BHMT2: variants seen among roughly 807,000 people sequenced by gnomAD.
BHMT2 encodes the protein S-methylmethionine--homocysteine S-methyltransferase BHMT2.
A neutral mutation model predicts 39.0 loss-of-function variants in BHMT2; 28 were observed. That is an observed-to-expected ratio of 0.72 (90% CI 0.53 to 0.98). The LOEUF is 0.98. Among genes scored for constraint, BHMT2 ranks in the 50% least tolerant of loss-of-function variants. The probability of loss-of-function intolerance (pLI) is 0.00; values close to 1 mark genes in which losing one functional copy is unlikely to be tolerated. For synonymous variants in BHMT2, 145 were observed against 160.6 expected (o/e 0.90, Z 0.74); for missense variants, 410 against 455.6 (o/e 0.90, Z 0.91).
chr5:79,083,461 A>G, intron 6 of BHMT2, 87 bp downstream of exon 6: 7 of 1,495,808 alleles, frequency 4.7e-6, no homozygotes, highest in Non-Finnish European at 6.3e-6. Context: ...GTTTTACAAT[A>G]AGAGACTGCA....
At chr5:79,087,339 G>A (rs1248088425) in intron 7 of BHMT2, among the ~76,000 whole-genome samples, 1 of 151,850 alleles carries the variant, frequency 6.6e-6, no homozygotes, top group East Asian at 1.9e-4. Flanking sequence ...TTTTTAAAAA[G>A]TATTAAATAT....
chr5:79,078,524 T>G (rs1755721738), intron 2 of BHMT2, among the ~76,000 whole-genome samples: 1 of 152,246 alleles, frequency 6.6e-6, no homozygotes, highest in Non-Finnish European at 1.5e-5. Flanking sequence ...ATTCTTCCAC[T>G]GACCAGCTGT....
At chr5:79,077,302 C>T (rs1381725477) in intron 1 of BHMT2, among the ~76,000 whole-genome samples, 178 bp from the exon 2 acceptor site, 1 of 152,078 alleles carries the variant, frequency 6.6e-6, no homozygotes, top group Admixed American at 6.6e-5. Context: ...AAAATAGGAA[C>T]CTGGATCGGC....
At chr5:79,072,022 T>G (rs1192471501) in intron 1 of BHMT2, among the ~76,000 whole-genome samples, 1 of 152,028 alleles carries the variant, frequency 6.6e-6, no homozygotes, top group Non-Finnish European at 1.5e-5. Flanking sequence ...ATCCTAGCAC[T>G]TTGGGAGGCC....
intron 7 of BHMT2, among the ~76,000 whole-genome samples, chr5:79,085,391 G>T (rs563867186): frequency 1.3e-5 from 2 of 152,290 alleles, no homozygotes; most frequent in South Asian, 4.1e-4. Flanking sequence ...GTAATTAAAA[G>T]TGTTTAGGAC....
At chr5:79,071,933 A>G (rs369428094) in intron 1 of BHMT2, among the ~76,000 whole-genome samples, 2 of 152,108 alleles carry the variant, frequency 1.3e-5, no homozygotes, top group Admixed American at 6.6e-5. Context: ...CTGATCTCAA[A>G]TCTTGATAAC....
chr5:79,075,479 G>C (rs1287635621), intron 1 of BHMT2, among the ~76,000 whole-genome samples: 1 of 152,106 alleles, frequency 6.6e-6, no homozygotes, highest in African/African-American at 2.4e-5. Flanking sequence ...TCATAGAACA[G>C]ATAAGACTAG....
intron 2 of BHMT2, 59 bp downstream of exon 2, chr5:79,077,671 G>A (rs1755698316): frequency 6.5e-7 from 1 of 1,546,666 alleles, no homozygotes; most frequent in South Asian, 1.2e-5. Flanking sequence ...AAATCTGATT[G>A]AGAGAAGATC....
intron 4 of BHMT2, 135 bp from the exon 5 acceptor site, chr5:79,082,674 A>G (rs983676859): frequency 2.0e-6 from 2 of 1,004,476 alleles, no homozygotes; most frequent in Admixed American, 2.5e-5. Flanking sequence ...ATAGACACAC[A>G]TTCCTTAGCA....
chr5:79,082,673 C>G (rs1755809306), intron 4 of BHMT2, 136 bp from the exon 5 acceptor site: 2 of 973,370 alleles, frequency 2.1e-6, no homozygotes, highest in African/African-American at 3.3e-5. Context: ...GATAGACACA[C>G]ATTCCTTAGC....
At chr5:79,073,425 C>G (rs1755617377) in intron 1 of BHMT2, among the ~76,000 whole-genome samples, 2 of 152,148 alleles carry the variant, frequency 1.3e-5, no homozygotes, top group Non-Finnish European at 2.9e-5. Flanking sequence ...TTGGCCTTCC[C>G]CAAAGTAGCC....
At chr5:79,082,677 C>T in intron 4 of BHMT2, 132 bp from the exon 5 acceptor site, 1 of 1,036,690 alleles carries the variant, frequency 9.6e-7, no homozygotes, top group East Asian at 2.5e-5. Context: ...GACACACATT[C>T]CTTAGCAAGT....
At chr5:79,072,179 A>G (rs1386769179) in intron 1 of BHMT2, among the ~76,000 whole-genome samples, 16 of 152,102 alleles carry the variant, frequency 1.1e-4, no homozygotes, top group Non-Finnish European at 2.4e-4. Context: ...AGGCAGGAGA[A>G]TTGCTTGAAC....
At position 79,088,614 on chromosome 5, in the gene BHMT2, A is replaced by G. The variant is rs373665798; in HGVS notation, c.*40A>G. The G allele has an allele frequency of 6.4e-5, 101 of 1,582,790 alleles. 1 individual carries two copies. In the Middle Eastern group the frequency reaches 6.7e-4, roughly 10 times the overall value. On this transcript the variant is annotated 3_prime_UTR_variant, in exon 8 of 8. Coordinates refer to ENST00000255192, the MANE Select transcript of BHMT2 (RefSeq NM_017614.5). ...AAACCCTGAAATAATCGAACAGGAA[A>G]AAGTTGCCCTCAAGCCTGACCTGGA...
chr5:79,084,795 C>T (rs1755863559), intron 7 of BHMT2, among the ~76,000 whole-genome samples: 1 of 152,194 alleles, frequency 6.6e-6, no homozygotes, highest in Admixed American at 6.5e-5. Context: ...TTTATGAAAG[C>T]TGAGGGATTT....
intron 7 of BHMT2, among the ~76,000 whole-genome samples, chr5:79,086,391 C>T (rs897034763): frequency 2.6e-5 from 4 of 152,154 alleles, no homozygotes; most frequent in African/African-American, 9.7e-5. Context: ...CTGGCTGGTT[C>T]GTGGCCACCT....
chr5:79,075,450 G>A (rs992169427), intron 1 of BHMT2, among the ~76,000 whole-genome samples: 3 of 152,132 alleles, frequency 2.0e-5, no homozygotes, highest in Non-Finnish European at 4.4e-5. Flanking sequence ...TTCAGGAACT[G>A]AGGGGGTTTA....
chr5:79,082,829 A>T lies in BHMT2; in HGVS notation c.471A>T (p.Glu157Asp). 1 of 1,614,092 alleles carries T rather than the reference A, an allele frequency of 6.2e-7. No individual in the cohort carries two copies. Among genetic ancestry groups the T allele is most frequent in the East Asian group, 2.2e-5 (1 of 44,888 alleles). Reference protein sequence around the residue: ...LIAEYFEHVEEAVWAVEVLKE... With the variant: ...LIAEYFEHVEDAVWAVEVLKE... ...CTTAGTATTTTGAGCACGTTGAAGA[A>T]GCTGTGTGGGCTGTGGAAGTCTTAA... Residue 157 changes from glutamate (E) to aspartate (D), a missense_variant, in exon 5 of 8, where the codon GAA (glutamate) becomes GAT (aspartate). Glu to Asp is a conservative substitution (Grantham distance 45). Coordinates refer to ENST00000255192, the MANE Select transcript of BHMT2 (RefSeq NM_017614.5).
chr5:79,087,189 G>A (rs1031078751), intron 7 of BHMT2, among the ~76,000 whole-genome samples: 1 of 151,432 alleles, frequency 6.6e-6, no homozygotes, highest in Non-Finnish European at 1.5e-5. Flanking sequence ...GGATTTGAAA[G>A]TCTTCATTTT....
Sources: gnomAD v4.1 joint callset for allele counts (sites outside exome capture counted in the v4.1 genomes callset) on GRCh38, gnomAD v4.1.1 for gene constraint, MANE v1.5 for transcripts, NCBI Gene and HGNC (gene_info 2026-07-23, HGNC 2026-07-21) for gene names.